Variants in DMBX1 observed in about 807,000 individuals in gnomAD.
DMBX1 encodes the protein diencephalon/mesencephalon homeobox 1, also known as diencephalon/mesencephalon homeobox protein 1.
In DMBX1, 7 loss-of-function variants were observed where a neutral mutation model predicts 30.4. The observed-to-expected ratio is 0.23, with a 90% CI of 0.13 to 0.43. The LOEUF (loss-of-function observed/expected upper bound fraction) is 0.43. DMBX1 is among the 20% of genes least tolerant of loss of function. DMBX1 has a pLI of 1.00. For missense variants in DMBX1, 460 were observed against 508.5 expected, an observed-to-expected ratio of 0.90 and a Z score of 0.92; for synonymous variants, 222 against 214.2, an observed-to-expected ratio of 1.04 and a Z score of -0.32.
At chr1:46,508,019 T>C (rs1263092752) in intron 3 of DMBX1, among the ~76,000 whole-genome samples, 1 of 151,316 alleles carries the variant, frequency 6.6e-6, no homozygotes, top group Non-Finnish European at 1.5e-5. Context: ...TTCTACTGAC[T>C]GTTGCCCTGC....
chr1:46,506,973 G>A (rs1173721439), intron 2 of DMBX1, 26 bp from the exon 3 acceptor site: 1 of 1,610,470 alleles, frequency 6.2e-7, no homozygotes, highest in Non-Finnish European at 8.5e-7. Context: ...CCTGCCTCAT[G>A]GCCCCTCTCC....
At position 46,511,303 on chromosome 1, in the gene DMBX1, A is replaced by G. The variant is rs1422323464; in HGVS notation, c.682+20A>G. ...AGGCAGGTGAGGTCTGAGGGGTACC[A>G]TGGGAGGGCTGGGGTCTGGGGGCCC... On this transcript the variant is annotated intron_variant, in intron 5 of 5. Transcript: ENST00000360032. The G allele has an allele frequency of 2.0e-6, 3 of 1,524,008 alleles. No homozygotes were observed. Among genetic ancestry groups the G allele is most frequent in the East Asian group, 2.4e-5 (1 of 41,282 alleles). 94.4% of individuals were successfully genotyped at this position (1,524,008 alleles called of 1,614,324 possible).
intron 2 of DMBX1, among the ~76,000 whole-genome samples, chr1:46,502,561 T>C (rs867872158): frequency 1.3e-5 from 2 of 152,172 alleles, no homozygotes; most frequent in South Asian, 4.1e-4. Flanking sequence ...CTGCAGTTTT[T>C]TCTCTGTATA....
chr1:46,503,231 T>C (rs1304868818), intron 2 of DMBX1, among the ~76,000 whole-genome samples: 1 of 152,238 alleles, frequency 6.6e-6, no homozygotes, highest in East Asian at 1.9e-4. Context: ...AAGTTTCTGC[T>C]CAAATGTCGG....
chr1:46,500,636 T>C (rs189369298), intron 2 of DMBX1, among the ~76,000 whole-genome samples: 91 of 151,310 alleles, frequency 6.0e-4, no homozygotes, highest in African/African-American at 2.1e-3. Context: ...AGATAACCTC[T>C]GTTAACATTT....
rs1412695947 is a variant in DMBX1 at position 46,510,612 on chromosome 1, G to C, written c.291G>C (p.Glu97Asp). 1.9e-6 allele frequency: 3 copies of C among 1,614,026 alleles called. No individual in the cohort carries two copies. ...ACTACCCAGATGTGGTGATGCGTGA[G>C]AGGCTGGCCATGTGCACCAACCTGC... Reference protein sequence around the residue: ...KTHYPDVVMRERLAMCTNLPE... With the variant: ...KTHYPDVVMRDRLAMCTNLPE... The change falls in exon 4 of 6, where the codon GAG becomes GAC. Residue 97 changes from glutamate (E) to aspartate (D), a missense_variant. This residue lies in a region of DMBX1 where 124 missense variants were observed against 144.0 expected (regional missense o/e 0.86). Coordinates refer to ENST00000360032, the MANE Select transcript of DMBX1 (RefSeq NM_172225.2). This position sits in a 1 kb window ranked among gnomAD's most constrained non-coding sequence, Gnocchi z 4.1.
At chr1:46,509,893 G>A (rs1366733587) in intron 3 of DMBX1, among the ~76,000 whole-genome samples, 1 of 152,126 alleles carries the variant, frequency 6.6e-6, no homozygotes, top group African/African-American at 2.4e-5. Flanking sequence ...TGCCATCAGA[G>A]ACTCTAGGCC....
chr1:46,496,075 G>T (rs1009094171), intron 2 of DMBX1, among the ~76,000 whole-genome samples: 1 of 152,214 alleles, frequency 6.6e-6, no homozygotes, highest in Non-Finnish European at 1.5e-5. Flanking sequence ...CCCCTGGCAG[G>T]GGGAGGAAGA....
intron 2 of DMBX1, among the ~76,000 whole-genome samples, chr1:46,505,367 T>G (rs1192002474): frequency 4.2e-4 from 59 of 140,622 alleles, no homozygotes; most frequent in African/African-American, 1.4e-3. Flanking sequence ...CCAACAATGA[T>G]AGACTGGATT....
intron 5 of DMBX1, 25 bp downstream of exon 5, chr1:46,511,308 A>G: frequency 6.6e-7 from 1 of 1,513,164 alleles, no homozygotes; most frequent in Non-Finnish European, 8.9e-7. Context: ...GTACCATGGG[A>G]GGGCTGGGGT....
intron 5 of DMBX1, among the ~76,000 whole-genome samples, 177 bp downstream of exon 5, chr1:46,511,460 G>T (rs1213556360): frequency 6.6e-6 from 1 of 152,202 alleles, no homozygotes; most frequent in African/African-American, 2.4e-5. Context: ...GAAGGTCCAG[G>T]GGGTCCTGAG....
chr1:46,508,434 G>A (rs1666283317), intron 3 of DMBX1, among the ~76,000 whole-genome samples: 1 of 152,144 alleles, frequency 6.6e-6, no homozygotes, highest in South Asian at 2.1e-4. Context: ...GGAGGGCATG[G>A]CCAGTCTCAC....
intron 2 of DMBX1, among the ~76,000 whole-genome samples, chr1:46,497,734 G>A (rs750084620): frequency 1.3e-5 from 2 of 152,252 alleles, no homozygotes; most frequent in Non-Finnish European, 2.9e-5. Context: ...GCAGCCAGCA[G>A]CGATGCGGGG....
chr1:46,493,967 A>T lies in DMBX1; in HGVS notation c.-13+3184A>T. Among the ~76,000 whole-genome samples the T allele has an allele frequency of 6.6e-6, 1 of 152,164 alleles. No individual in the cohort carries two copies. Among genetic ancestry groups the T allele is most frequent in the East Asian group, 1.9e-4 (1 of 5,176 alleles). ...AAGTGGACCAGGTCATCCCTGACAG[A>T]CTTTGGGCCAAGGCTAACTGAGCAG... On this transcript the variant is annotated intron_variant, in intron 2 of 5. Coordinates refer to ENST00000360032, the MANE Select transcript of DMBX1 (RefSeq NM_172225.2). The surrounding 1 kb of genome is among the most constrained non-coding windows in gnomAD (Gnocchi z 4.1).
In DMBX1 at chr1:46,512,095, G is replaced by A. The variant is rs115917561; in HGVS notation, c.735G>A (p.Leu245=). The part of the protein sequence containing the change: ...ITPVAPGGGL[L]GPSHSYSSSP... ...CTGTGGCCCCAGGGGGTGGCCTCCT[G>A]GGCCCCTCCCACTCCTATTCCTCGT... Residue 245 remains leucine, a synonymous_variant, in exon 6 of 6, where the codon CTG becomes CTA. Coordinates refer to ENST00000360032, the MANE Select transcript of DMBX1 (RefSeq NM_172225.2). The surrounding 1 kb of genome is among the most constrained non-coding windows in gnomAD (Gnocchi z 4.8). The A allele has an allele frequency of 3.1e-3, 5,076 of 1,613,602 alleles. 38 individuals are homozygous for A. The highest frequency in any genetic ancestry group is 0.02 in the South Asian group (1,856 of 91,076).
intron 2 of DMBX1, among the ~76,000 whole-genome samples, chr1:46,500,342 T>G (rs1666099947): frequency 6.7e-6 from 1 of 150,244 alleles, no homozygotes; most frequent in African/African-American, 2.4e-5. Flanking sequence ...AATTAAAATG[T>G]CACTTACCAC....
chr1:46,512,385 T>C lies in DMBX1; in HGVS notation c.1025T>C (p.Leu342Pro). Residue 342 changes from leucine (L) to proline (P), a missense_variant, in exon 6 of 6, where the codon CTG becomes CCG. Physicochemically the swap from Leu to Pro is moderately conservative, Grantham distance 98. This residue lies in a region of DMBX1 where 334 missense variants were observed against 345.1 expected (regional missense o/e 0.97). Coordinates refer to ENST00000360032, the MANE Select transcript of DMBX1 (RefSeq NM_172225.2). The surrounding 1 kb of genome is among the most constrained non-coding windows in gnomAD (Gnocchi z 4.8). ...SPLLPAPPAG[L>P]APASATLNSK... ...CTGCTGCCTGCACCCCCAGCAGGCCTGGCTCCTGCATCAGCTACCCTGAAC... is the reference window on the plus strand; with the variant it reads ...CTGCTGCCTGCACCCCCAGCAGGCCCGGCTCCTGCATCAGCTACCCTGAAC... 6.2e-7 allele frequency: 1 copy of C among 1,614,040 alleles called. No individual in the cohort carries two copies. Among genetic ancestry groups the C allele is most frequent in the Non-Finnish European group, 8.5e-7 (1 of 1,180,004 alleles).
intron 2 of DMBX1, among the ~76,000 whole-genome samples, chr1:46,506,062 T>TTTTA (rs1557787859): frequency 0.013 from 1,803 of 135,384 alleles, 26 homozygotes; most frequent in African/African-American, 0.052. Flanking sequence ...TTCTTTTTTT[T>TTTTA]ATTTTTATTT....
At chr1:46,496,485 G>A (rs562770741) in intron 2 of DMBX1, among the ~76,000 whole-genome samples, 25 of 152,312 alleles carry the variant, frequency 1.6e-4, no homozygotes, top group African/African-American at 3.4e-4. Flanking sequence ...TGTGGAGAGC[G>A]CCTCCCTCAT....
Sources: gnomAD v4.1 joint callset for allele counts (sites outside exome capture counted in the v4.1 genomes callset) on GRCh38, gnomAD v4.1.1 for gene constraint, gnomAD v4.1.1 regional missense constraint, Gnocchi (gnomAD v3.1) non-coding constraint, MANE v1.5 for transcripts, NCBI Gene and HGNC (gene_info 2026-07-23, HGNC 2026-07-21) for gene names.